The following TCF7L2 variants were observed in gnomAD, a reference collection of about 807,000 sequenced individuals.
TCF7L2 encodes transcription factor 7-like 2.
Under a neutral mutation model 77.9 loss-of-function variants are expected in TCF7L2, and 23 were observed. That is an observed-to-expected ratio of 0.30 (90% CI 0.21 to 0.42). The LOEUF is 0.42. TCF7L2 is among the 10% of genes least tolerant of loss of function. The pLI, the probability that TCF7L2 is intolerant of heterozygous loss-of-function variation, is 1.00. For missense variants in TCF7L2, 654 were observed against 793.1 expected (o/e 0.82, Z 2.11); for synonymous variants, 413 against 340.2 (o/e 1.21, Z -2.36).
In TCF7L2 at chr10:113,166,512, A is replaced by G. The variant is rs1162552592; in HGVS notation, c.*540A>G. 1 of 216,190 alleles carries G rather than the reference A, an allele frequency of 4.6e-6. No individual in the cohort carries two copies. Among genetic ancestry groups the G allele is most frequent in the South Asian group, 1.9e-4 (1 of 5,354 alleles). The allele number at this position is 216,190 out of a possible 1,614,324, so 13.4% of individuals were successfully genotyped here. A position where few individuals can be genotyped will look rare whatever the true frequency, so the allele number is the denominator to read the frequency against. ...TGTGATGTTACTTGTTATTGTTTAA[A>G]TGTACAGAAACAAAGGGTAAAAATG... is the stretch of plus-strand genomic sequence containing the variant. On this transcript the variant is annotated 3_prime_UTR_variant, in exon 14 of 14. Coordinates refer to ENST00000627217, the MANE Select transcript of TCF7L2 (RefSeq NM_001146274.2).
chr10:112,967,203 C>CTT (rs2037155801), intron 4 of TCF7L2, among the ~76,000 whole-genome samples: 2 of 152,204 alleles, frequency 1.3e-5, no homozygotes. Context: ...CAACTTAAGA[C>CTT]TAAATGCAGC....
intron 5 of TCF7L2, among the ~76,000 whole-genome samples, chr10:113,066,264 C>G (rs1241948011): frequency 6.6e-6 from 1 of 151,816 alleles, no homozygotes; most frequent in Admixed American, 6.6e-5. Context: ...ACTGGGGAGG[C>G]TGAGGCAGGA....
chr10:113,036,288 C>T (rs954249854), intron 4 of TCF7L2, among the ~76,000 whole-genome samples: 1 of 152,020 alleles, frequency 6.6e-6, no homozygotes, highest in Non-Finnish European at 1.5e-5. Flanking sequence ...GGAAGATTCT[C>T]AAGGATGAAG....
intron 5 of TCF7L2, among the ~76,000 whole-genome samples, chr10:113,139,687 T>G (rs10787478): frequency 0.43 from 64,728 of 151,722 alleles, 16,178 homozygotes; most frequent in African/African-American, 0.69. Flanking sequence ...CTAGAGAGAA[T>G]GCCTTATTTT....
intron 4 of TCF7L2, among the ~76,000 whole-genome samples, chr10:112,996,239 C>T (rs1274394951): frequency 6.6e-6 from 1 of 150,708 alleles, no homozygotes; most frequent in Non-Finnish European, 1.5e-5. Context: ...AAAAATGACT[C>T]TCGGAGGAGG....
chr10:113,074,241 A>G (rs1271421408), intron 5 of TCF7L2, among the ~76,000 whole-genome samples: 1 of 152,048 alleles, frequency 6.6e-6, no homozygotes, highest in Non-Finnish European at 1.5e-5. Context: ...TATTTGGATT[A>G]TTTCTTTAAA....
At chr10:113,160,388 T>C (rs2072959823) in intron 12 of TCF7L2, among the ~76,000 whole-genome samples, 1 of 152,108 alleles carries the variant, frequency 6.6e-6, no homozygotes, top group Admixed American at 6.5e-5. Context: ...TTCATTGTTG[T>C]TTTTTGGTTT....
chr10:113,116,523 G>A (rs1286900471), intron 5 of TCF7L2, among the ~76,000 whole-genome samples: 4 of 152,218 alleles, frequency 2.6e-5, no homozygotes, highest in African/African-American at 7.2e-5. Context: ...AGGAGTCTAT[G>A]TAAATAAAAT....
At chr10:113,060,999 C>T (rs1397971665) in intron 5 of TCF7L2, among the ~76,000 whole-genome samples, 2 of 152,264 alleles carry the variant, frequency 1.3e-5, no homozygotes, top group East Asian at 1.9e-4. Context: ...GGATAGTAAG[C>T]TCCTTGGTTA....
intron 5 of TCF7L2, among the ~76,000 whole-genome samples, chr10:113,109,229 G>A (rs146751898): frequency 6.6e-6 from 1 of 152,222 alleles, no homozygotes; most frequent in Non-Finnish European, 1.5e-5. Context: ...CAGGGAGTTA[G>A]GGTCAGAAGA....
chr10:113,029,266 TC>T (rs1407298538), intron 4 of TCF7L2, among the ~76,000 whole-genome samples: 2 of 152,164 alleles, frequency 1.3e-5, no homozygotes, highest in Non-Finnish European at 2.9e-5. Flanking sequence ...CAGTCCTCTT[TC>T]CCATGTTTCT....
At chr10:113,107,047 C>T (rs1240938981) in intron 5 of TCF7L2, among the ~76,000 whole-genome samples, 1 of 152,172 alleles carries the variant, frequency 6.6e-6, no homozygotes, top group East Asian at 1.9e-4. Flanking sequence ...CTTAGCACTC[C>T]CATGTCCTGT....
chr10:113,107,030 T>C (rs2062415598), intron 5 of TCF7L2, among the ~76,000 whole-genome samples: 1 of 152,238 alleles, frequency 6.6e-6, no homozygotes, highest in African/African-American at 2.4e-5. Flanking sequence ...AAGAGCTGTC[T>C]TCTGCCCTTA....
chr10:113,019,367 TAGAA>T (rs749491408), intron 4 of TCF7L2, among the ~76,000 whole-genome samples: 20 of 152,020 alleles, frequency 1.3e-4, no homozygotes, highest in Non-Finnish European at 2.5e-4. Flanking sequence ...GTGTCCTCGT[TAGAA>T]AGACTCACTA....
chr10:113,075,178 C>T (rs1024494398), intron 5 of TCF7L2, among the ~76,000 whole-genome samples: 1 of 150,792 alleles, frequency 6.6e-6, no homozygotes, highest in Admixed American at 6.6e-5. Context: ...TTTAAATGGG[C>T]GGGGTAATGG....
At chr10:113,150,583 T>C (rs1390762525) in intron 8 of TCF7L2, among the ~76,000 whole-genome samples, 1 of 152,232 alleles carries the variant, frequency 6.6e-6, no homozygotes, top group Non-Finnish European at 1.5e-5. Context: ...TTTATTTAGC[T>C]GTCAATATAC....
intron 5 of TCF7L2, among the ~76,000 whole-genome samples, chr10:113,109,755 T>C (rs557684844): frequency 6.6e-6 from 1 of 152,348 alleles, no homozygotes; most frequent in Non-Finnish European, 1.5e-5. Flanking sequence ...TGACATCTGG[T>C]GTTCAAGAGT....
intron 4 of TCF7L2, among the ~76,000 whole-genome samples, chr10:113,017,111 T>C (rs955462647): frequency 3.9e-4 from 60 of 152,338 alleles, no homozygotes; most frequent in African/African-American, 1.4e-3. Flanking sequence ...CAGCCAGGAA[T>C]ACTCAAATCC....
At chr10:113,106,625 G>T (rs547745501) in intron 5 of TCF7L2, among the ~76,000 whole-genome samples, 1 of 152,170 alleles carries the variant, frequency 6.6e-6, no homozygotes, top group Non-Finnish European at 1.5e-5. Context: ...AATCATCTCT[G>T]CTAAAGGTTA....
Sources: gnomAD v4.1 joint callset for allele counts (sites outside exome capture counted in the v4.1 genomes callset) on GRCh38, gnomAD v4.1.1 for gene constraint, MANE v1.5 for transcripts, NCBI Gene and HGNC (gene_info 2026-07-23, HGNC 2026-07-21) for gene names.